Variants in KIF1B observed in about 807,000 individuals in gnomAD.
KIF1B encodes the protein kinesin-like protein KIF1B.
KIF1B carries 76 observed loss-of-function variants against 241.9 expected under a neutral mutation model. That is an observed-to-expected ratio of 0.31 (90% CI 0.26 to 0.38). The LOEUF is 0.38. Among genes scored for constraint, KIF1B ranks in the 10% least tolerant of loss-of-function variants. KIF1B has a pLI of 1.00. For missense variants in KIF1B, 1,622 were observed against 2,271.4 expected, an observed-to-expected ratio of 0.71 and a Z score of 5.81; for synonymous variants, 750 against 796.7, an observed-to-expected ratio of 0.94 and a Z score of 0.99.
intron 24 of KIF1B, 48 bp downstream of exon 24, chr1:10,321,905 C>T: frequency 6.2e-7 from 1 of 1,609,694 alleles, no homozygotes; most frequent in South Asian, 1.1e-5. Context: ...GCCGAGCCTG[C>T]TGTGGGTGCA....
intron 2 of KIF1B, among the ~76,000 whole-genome samples, chr1:10,234,086 A>G (rs1187247217): frequency 6.6e-6 from 1 of 152,212 alleles, no homozygotes; most frequent in Non-Finnish European, 1.5e-5. Context: ...TTTCTAGGGA[A>G]TAGGCCGAGT....
intron 33 of KIF1B, among the ~76,000 whole-genome samples, chr1:10,342,672 G>A (rs928512475): frequency 6.6e-6 from 1 of 152,040 alleles, no homozygotes; most frequent in Admixed American, 6.5e-5. Flanking sequence ...CTATTATCTG[G>A]TATTATGCCA....
At chr1:10,350,182 G>A (rs1652739313) in intron 37 of KIF1B, among the ~76,000 whole-genome samples, 1 of 151,408 alleles carries the variant, frequency 6.6e-6, no homozygotes. Context: ...CCAGGTACTC[G>A]GAAGGCTGAG....
chr1:10,370,590 TAATAAGAAG>T (rs991264808), intron 44 of KIF1B, among the ~76,000 whole-genome samples: 13 of 139,918 alleles, frequency 9.3e-5, no homozygotes, highest in Non-Finnish European at 1.8e-4. Context: ...ATAATAATAA[TAATAAGAAG>T]AAGAAGAAGA....
intron 44 of KIF1B, among the ~76,000 whole-genome samples, chr1:10,370,587 TAATAATAAG>T (rs1265088298): frequency 1.5e-5 from 2 of 135,442 alleles, no homozygotes; most frequent in African/African-American, 6.1e-5. Context: ...ATAATAATAA[TAATAATAAG>T]AAGAAGAAGA....
At chr1:10,253,351 G>C (rs1647576407) in intron 2 of KIF1B, among the ~76,000 whole-genome samples, 1 of 152,120 alleles carries the variant, frequency 6.6e-6, no homozygotes, top group Non-Finnish European at 1.5e-5. Context: ...GCATCAAATA[G>C]GTTAGTAGGT....
At chr1:10,236,203 C>T (rs938794506) in intron 2 of KIF1B, among the ~76,000 whole-genome samples, 1 of 151,476 alleles carries the variant, frequency 6.6e-6, no homozygotes. Context: ...ACCCTGGAAG[C>T]GGAGGTTGCA....
rs1310182506 is a variant in KIF1B at position 10,365,041 on chromosome 1, A to G, written c.4367-59A>G. On this transcript the variant is annotated intron_variant, in intron 41 of 48. Transcript: ENST00000676179. The surrounding 1 kb of genome is among the most constrained non-coding windows in gnomAD (Gnocchi z 4.0). ...AAAAAAGAATTATTAATTCGTTTTG[A>G]CCTAAACTTGGAATTGAATTTTTTT... 1 of 1,399,464 alleles carries G rather than the reference A, an allele frequency of 7.1e-7. No individual in the cohort carries two copies. The highest frequency in any genetic ancestry group is 1.6e-5 in the African/African-American group (1 of 61,094). The allele number at this position is 1,399,464 out of a possible 1,614,324, so 86.7% of individuals were successfully genotyped here.
intron 34 of KIF1B, 57 bp downstream of exon 34, chr1:10,343,344 C>G (rs191286074): frequency 6.6e-7 from 1 of 1,514,880 alleles, no homozygotes; most frequent in Non-Finnish European, 9.2e-7. Context: ...ATGTCTTATT[C>G]TGAATGACTT....
intron 2 of KIF1B, among the ~76,000 whole-genome samples, chr1:10,249,690 C>T (rs1647332629): frequency 6.6e-6 from 1 of 152,106 alleles, no homozygotes; most frequent in Admixed American, 6.5e-5. Flanking sequence ...TTGCTTCAGC[C>T]CAGGAGTTCG....
intron 35 of KIF1B, among the ~76,000 whole-genome samples, chr1:10,347,482 G>A (rs918810379): frequency 4.6e-5 from 7 of 152,122 alleles, no homozygotes; most frequent in African/African-American, 1.7e-4. Context: ...CTTATCTCCT[G>A]TCAATTGCCA....
chr1:10,312,050 C>G (rs933127349), intron 22 of KIF1B, among the ~76,000 whole-genome samples: 2 of 151,286 alleles, frequency 1.3e-5, no homozygotes, highest in Admixed American at 1.3e-4. Context: ...AAACCTCTGC[C>G]CTGCCTCGCC....
At chr1:10,297,369 T>A in intron 22 of KIF1B, 123 bp downstream of exon 22, 3 of 851,488 alleles carry the variant, frequency 3.5e-6, no homozygotes, top group African/African-American at 1.7e-5. Context: ...CACTATTCTT[T>A]AATTTCCTTA....
chr1:10,328,103 T>A (rs1240534657), intron 27 of KIF1B, among the ~76,000 whole-genome samples: 1 of 152,194 alleles, frequency 6.6e-6, no homozygotes, highest in African/African-American at 2.4e-5. Context: ...GGCAGGAGGA[T>A]AATTTGAGCC....
intron 41 of KIF1B, 147 bp downstream of exon 41, chr1:10,363,491 A>G: frequency 2.9e-6 from 2 of 698,090 alleles, no homozygotes; most frequent in South Asian, 1.5e-5. Context: ...CAGGAGTTCA[A>G]GAGCAGCCTG....
chr1:10,300,602 C>T (rs1650492761), intron 22 of KIF1B, among the ~76,000 whole-genome samples: 2 of 151,956 alleles, frequency 1.3e-5, no homozygotes, highest in Admixed American at 1.3e-4. Context: ...TTCATTTCAT[C>T]CTTAAGCAAT....
chr1:10,371,009 C>T (rs1638717401), intron 44 of KIF1B, 132 bp from the exon 45 acceptor site: 4 of 1,040,604 alleles, frequency 3.8e-6, no homozygotes, highest in Non-Finnish European at 5.9e-6. Flanking sequence ...TATGTATAGG[C>T]TTGTTTTCTT....
At chr1:10,373,818 A>G (rs1638810578) in intron 45 of KIF1B, among the ~76,000 whole-genome samples, 2 of 152,236 alleles carry the variant, frequency 1.3e-5, no homozygotes, top group East Asian at 3.9e-4. Context: ...GTACATCATC[A>G]TCCCCTGGGA....
chr1:10,278,739 C>T, intron 13 of KIF1B: 1 of 216,266 alleles, frequency 4.6e-6, no homozygotes, highest in Non-Finnish European at 9.2e-6. Flanking sequence ...TAAAAAATCT[C>T]CGTGATGTGC....
Sources: gnomAD v4.1 joint callset for allele counts (sites outside exome capture counted in the v4.1 genomes callset) on GRCh38, gnomAD v4.1.1 for gene constraint, Gnocchi (gnomAD v3.1) non-coding constraint, MANE v1.5 for transcripts, NCBI Gene and HGNC (gene_info 2026-07-23, HGNC 2026-07-21) for gene names.